The following LHFPL3 variants were observed in gnomAD, a reference collection of about 807,000 sequenced individuals.
The protein encoded by LHFPL3 is LHFPL tetraspan subfamily member 3, also known as LHFPL tetraspan subfamily member 3 protein.
A neutral mutation model predicts 19.3 loss-of-function variants in LHFPL3; 5 were observed. The ratio of observed to expected loss-of-function variants is 0.26; its 90% CI spans 0.14 to 0.54. The LOEUF (loss-of-function observed/expected upper bound fraction) is 0.54. Ranked by LOEUF, LHFPL3 falls within the 20% of genes least tolerant of loss-of-function variation. LHFPL3 has a pLI of 0.94. For synonymous variants in LHFPL3, 133 were observed against 126.2 expected (o/e 1.05, Z -0.36); for missense variants, 249 against 307.4 (o/e 0.81, Z 1.42).
chr7:104,537,328 T>A (rs1472055114), intron 1 of LHFPL3, among the ~76,000 whole-genome samples: 7 of 152,254 alleles, frequency 4.6e-5, no homozygotes, highest in Non-Finnish European at 8.8e-5. Context: ...ACACTTCCAT[T>A]TCCCATGGAG....
chr7:104,524,311 A>G (rs914139467), intron 1 of LHFPL3, among the ~76,000 whole-genome samples: 1 of 152,158 alleles, frequency 6.6e-6, no homozygotes, highest in Non-Finnish European at 1.5e-5. Flanking sequence ...TCTCGGGAAG[A>G]CAGTCAAGGA....
At position 104,351,910 on chromosome 7, in the gene LHFPL3, A is replaced by C. The variant is rs557684478; in HGVS notation, c.445+22686A>C. Among the ~76,000 whole-genome samples, 106 of 152,266 alleles carry C rather than the reference A, an allele frequency of 7.0e-4. 1 individual carries two copies. Among genetic ancestry groups the C allele is most frequent in the African/African-American group, 2.4e-3 (101 of 41,556 alleles). ...CTGTTTTTCTCTGTTAAGACCTAAT[A>C]CAACTAGGCCAGGGGCAGTGGCTTA... On this transcript the variant is annotated intron_variant, in intron 1 of 2. Coordinates refer to ENST00000424859, the MANE Select transcript of LHFPL3 (RefSeq NM_199000.3).
At chr7:104,778,621 A>G (rs945296017) in intron 2 of LHFPL3, among the ~76,000 whole-genome samples, 4 of 152,066 alleles carry the variant, frequency 2.6e-5, no homozygotes, top group African/African-American at 9.7e-5. Flanking sequence ...AACTCCTCCT[A>G]CTTAGGCCAG....
Position 104,731,674 on chromosome 7 carries a change from G to C in LHFPL3, c.446-5001G>C, listed in dbSNP as rs1278889787. 4.6e-5 allele frequency among the ~76,000 whole-genome samples: 7 copies of C among 151,720 alleles called. No individual in the cohort carries two copies. The South Asian group carries it at 1.5e-3, about 32-fold the overall frequency. ...TACAATCATGTCATCTGCAAACAGG[G>C]ACAATTTGACTTCCTTTTTTCCTAA... On this transcript the variant is annotated intron_variant, in intron 1 of 2. Transcript: ENST00000424859.
At chr7:104,592,251 G>A (rs759745049) in intron 1 of LHFPL3, among the ~76,000 whole-genome samples, 4 of 152,018 alleles carry the variant, frequency 2.6e-5, no homozygotes, top group Non-Finnish European at 4.4e-5. Context: ...CCATGTTTGT[G>A]GTTTTATCTA....
chr7:104,584,186 T>A (rs899800021), intron 1 of LHFPL3, among the ~76,000 whole-genome samples: 1 of 152,076 alleles, frequency 6.6e-6, no homozygotes, highest in South Asian at 2.1e-4. Context: ...GAAACCAGCA[T>A]TCTCAGCAAC....
intron 1 of LHFPL3, among the ~76,000 whole-genome samples, chr7:104,524,381 A>G (rs1584379723): frequency 6.6e-6 from 1 of 152,192 alleles, no homozygotes; most frequent in Non-Finnish European, 1.5e-5. Context: ...TGAGGCTTAA[A>G]GCATGCAACT....
chr7:104,780,311 C>T (rs1449040363), intron 2 of LHFPL3, among the ~76,000 whole-genome samples: 1 of 152,226 alleles, frequency 6.6e-6, no homozygotes, highest in Admixed American at 6.5e-5. Flanking sequence ...AAGTCCCTGA[C>T]ACCTCCATTC....
chr7:104,540,392 C>T (rs1361730602), intron 1 of LHFPL3, among the ~76,000 whole-genome samples: 3 of 152,096 alleles, frequency 2.0e-5, no homozygotes, highest in Admixed American at 6.5e-5. Flanking sequence ...AAATATTTTT[C>T]ATTGTCATAA....
chr7:104,696,117 A>C (rs1379838707), intron 1 of LHFPL3, among the ~76,000 whole-genome samples: 1 of 151,986 alleles, frequency 6.6e-6, no homozygotes, highest in Non-Finnish European at 1.5e-5. Flanking sequence ...CGCCCGGCTA[A>C]TTTTTGTGTT....
chr7:104,344,931 G>A (rs1790034817), intron 1 of LHFPL3, among the ~76,000 whole-genome samples: 1 of 152,130 alleles, frequency 6.6e-6, no homozygotes, highest in African/African-American at 2.4e-5. Context: ...CATAAAAGTT[G>A]AGAAGTCTCT....
At chr7:104,543,679 A>G (rs538036763) in intron 1 of LHFPL3, among the ~76,000 whole-genome samples, 1 of 144,894 alleles carries the variant, frequency 6.9e-6, no homozygotes, top group Admixed American at 7.1e-5. Flanking sequence ...AAAACCAAAC[A>G]CCACATGTTC....
intron 1 of LHFPL3, among the ~76,000 whole-genome samples, chr7:104,494,032 A>C: frequency 6.6e-6 from 1 of 152,198 alleles, no homozygotes; most frequent in East Asian, 1.9e-4. Flanking sequence ...AATTAATTTC[A>C]TCTCTTTTGT....
At chr7:104,716,329 G>A (rs1171316699) in intron 1 of LHFPL3, among the ~76,000 whole-genome samples, 6 of 151,144 alleles carry the variant, frequency 4.0e-5, no homozygotes, top group South Asian at 2.1e-4. Flanking sequence ...GTGACAGAGC[G>A]AGACTCCATC....
At chr7:104,567,331 C>A (rs1250292127) in intron 1 of LHFPL3, among the ~76,000 whole-genome samples, 1 of 152,216 alleles carries the variant, frequency 6.6e-6, no homozygotes, top group Non-Finnish European at 1.5e-5. Flanking sequence ...ATTGGTCATT[C>A]TCAGGAGATG....
intron 1 of LHFPL3, among the ~76,000 whole-genome samples, chr7:104,582,408 T>C (rs182566205): frequency 1.0e-3 from 156 of 152,156 alleles, no homozygotes; most frequent in Non-Finnish European, 1.6e-3. Context: ...ATGCCATTTG[T>C]AAATAGAAAC....
chr7:104,664,789 G>C (rs752065850), intron 1 of LHFPL3, among the ~76,000 whole-genome samples: 2 of 152,168 alleles, frequency 1.3e-5, no homozygotes, highest in Non-Finnish European at 2.9e-5. Flanking sequence ...ATTCTTTACT[G>C]AACCACCTTG....
intron 2 of LHFPL3, among the ~76,000 whole-genome samples, chr7:104,762,600 G>A (rs1794392868): frequency 6.6e-6 from 1 of 152,190 alleles, no homozygotes; most frequent in Non-Finnish European, 1.5e-5. Context: ...TGAAGCTTCA[G>A]AATGTGATTG....
chr7:104,821,107 A>G (rs1437986459), intron 2 of LHFPL3, among the ~76,000 whole-genome samples: 1 of 152,214 alleles, frequency 6.6e-6, no homozygotes, highest in Non-Finnish European at 1.5e-5. Context: ...TCTTTATTGC[A>G]TGCTTTCTGC....
Sources: allele counts gnomAD v4.1 joint callset (sites outside exome capture counted in the v4.1 genomes callset), GRCh38; gene constraint gnomAD v4.1.1; transcripts MANE v1.5; gene names NCBI Gene and HGNC (gene_info 2026-07-23, HGNC 2026-07-21).